XYLB: variants seen among roughly 807,000 people sequenced by gnomAD.
XYLB encodes the protein xylulokinase.
XYLB carries 62 observed loss-of-function variants against 78.7 expected under a neutral mutation model. The observed-to-expected ratio is 0.79, with a 90% CI of 0.64 to 0.97. The LOEUF is 0.97. Among genes scored for constraint, XYLB ranks in the 50% least tolerant of loss-of-function variants. XYLB has a pLI of 0.00. For missense variants in XYLB, 687 were observed against 676.8 expected (o/e 1.02, Z -0.17); for synonymous variants, 245 against 247.4 (o/e 0.99, Z 0.09).
rs745708954 is a variant in XYLB, at chr3:38,376,198, G to T, written c.1086G>T (p.Leu362=). 9 of 1,613,896 alleles carry T rather than the reference G, an allele frequency of 5.6e-6. No individual in the cohort carries two copies. Among genetic ancestry groups the T allele is most frequent in the African/African-American group, 2.7e-5 (2 of 74,934 alleles). ...CCTGGAGCGATTTCTCTAAGGCACTGCAGTCCACAGAGATGGGCAACGGTG... is the reference window on the plus strand; with the variant it reads ...CCTGGAGCGATTTCTCTAAGGCACTTCAGTCCACAGAGATGGGCAACGGTG... ...SRSWSDFSKA[L]QSTEMGNGGN... is the part of the protein sequence containing the mutation. Residue 362 remains leucine, a synonymous_variant, in exon 13 of 19, where the codon CTG becomes CTT. Coordinates refer to ENST00000207870, the MANE Select transcript of XYLB (RefSeq NM_005108.4).
chr3:38,368,282 T>TCCA, intron 8 of XYLB, 25 bp downstream of exon 8: 3 of 1,610,728 alleles, frequency 1.9e-6, no homozygotes, highest in Non-Finnish European at 2.5e-6. Flanking sequence ...ATGGGGTGGG[T>TCCA]GCCTGGGCAG....
At chr3:38,405,289 C>T (rs1708266831) in intron 18 of XYLB, among the ~76,000 whole-genome samples, 1 of 150,572 alleles carries the variant, frequency 6.6e-6, no homozygotes, top group South Asian at 2.1e-4. Flanking sequence ...ATAATCCCAG[C>T]ACTTTGGGAG....
At chr3:38,392,046 T>G (rs1386783103) in intron 15 of XYLB, among the ~76,000 whole-genome samples, 1 of 152,158 alleles carries the variant, frequency 6.6e-6, no homozygotes, top group East Asian at 1.9e-4. Context: ...GAGCACTTCT[T>G]TACTTTAGCT....
chr3:38,361,338 A>G (rs1241986252), intron 3 of XYLB, among the ~76,000 whole-genome samples: 1 of 152,262 alleles, frequency 6.6e-6, no homozygotes, highest in Non-Finnish European at 1.5e-5. Context: ...ACTGGAGGCC[A>G]GCTAAGTGTG....
At chr3:38,432,031 C>T in the XYLB span, among the ~76,000 whole-genome samples, 2 of 152,100 alleles carry the variant, frequency 1.3e-5, no homozygotes, top group African/African-American at 4.8e-5. Context: ...AAAGGGGAGA[C>T]ATTGGCCAAA....
chr3:38,429,680 A>G, the XYLB span, among the ~76,000 whole-genome samples: 718 of 152,208 alleles, frequency 4.7e-3, 10 homozygotes, highest in African/African-American at 0.016. Flanking sequence ...TACATTGGGT[A>G]TTTCTCCTAA....
chr3:38,446,628 A>C, the XYLB span, among the ~76,000 whole-genome samples: 2 of 152,248 alleles, frequency 1.3e-5, no homozygotes, highest in Admixed American at 6.5e-5. Context: ...ATTTATAGCC[A>C]ACGAATCTTT....
chr3:38,423,978 A>C (rs375490096), downstream of XYLB, among the ~76,000 whole-genome samples: 1 of 152,176 alleles, frequency 6.6e-6, no homozygotes, highest in East Asian at 1.9e-4. Context: ...TTACTGGAAA[A>C]CATTAATTGG....
At chr3:38,400,767 G>T (rs926769918) in intron 17 of XYLB, 124 bp from the exon 18 acceptor site, 6 of 695,824 alleles carry the variant, frequency 8.6e-6, no homozygotes, top group Admixed American at 7.8e-5. Flanking sequence ...GTACTGAATT[G>T]TGCAACCATC....
intron 15 of XYLB, among the ~76,000 whole-genome samples, chr3:38,395,237 G>A (rs995825978): frequency 4.6e-5 from 7 of 152,166 alleles, no homozygotes; most frequent in African/African-American, 1.7e-4. Context: ...ATTTAAGGAA[G>A]TTCCCTTCTC....
chr3:38,396,745 T>G (rs1311408062), intron 16 of XYLB, among the ~76,000 whole-genome samples: 3 of 152,170 alleles, frequency 2.0e-5, no homozygotes, highest in Admixed American at 6.5e-5. Flanking sequence ...TTAATGTTAG[T>G]CTAATACCCA....
At position 38,372,670 on chromosome 3, in the gene XYLB, T is replaced by C. The variant is rs147882141; in HGVS notation, c.781T>C (p.Tyr261His). The C allele has an allele frequency of 6.2e-7, 1 of 1,614,066 alleles. No homozygotes were observed. Among genetic ancestry groups the C allele is most frequent in the African/African-American group, 1.3e-5 (1 of 74,926 alleles). The change falls in exon 10 of 19, where the codon TAC (tyrosine) becomes CAC (histidine). Residue 261 changes from tyrosine (Y) to histidine (H), a missense_variant. Coordinates refer to ENST00000207870, the MANE Select transcript of XYLB (RefSeq NM_005108.4). ...SCSVVGAISS[Y>H]YVQRYGFPPG... ...CGTCCCTCAGGGAGCCATTTCTTCCTACTACGTCCAGCGCTACGGATTTCC... is the reference window on the plus strand; with the variant it reads ...CGTCCCTCAGGGAGCCATTTCTTCCCACTACGTCCAGCGCTACGGATTTCC...
chr3:38,420,703 C>A (rs988408677), downstream of XYLB, among the ~76,000 whole-genome samples: 3 of 148,764 alleles, frequency 2.0e-5, no homozygotes, highest in African/African-American at 7.4e-5. Flanking sequence ...GTTAATAATA[C>A]GTATCTTTCA....
rs1344483309 is a variant in XYLB, at chr3:38,379,249, G to A, written c.1198G>A (p.Ala400Thr). The change falls in exon 15 of 19, where the codon GCA (alanine) becomes ACA (threonine). Residue 400 changes from alanine to threonine, a missense_variant. Transcript: ENST00000207870. Reference protein sequence around the residue: ...HRFNTENHKVAAFPGDVEVRA... With the variant: ...HRFNTENHKVTAFPGDVEVRA... ...GCCCACCTTTTCCTGGAGACAGGTTGCAGCATTCCCTGGGGATGTGGAGGT... is the reference window on the plus strand; with the variant it reads ...GCCCACCTTTTCCTGGAGACAGGTTACAGCATTCCCTGGGGATGTGGAGGT... The A allele has an allele frequency of 5.0e-6, 8 of 1,614,022 alleles. No individual in the cohort carries two copies. The Admixed American group carries it at 1.3e-4, about 27-fold the overall frequency.
chr3:38,387,455 C>T (rs1028019714), intron 15 of XYLB, among the ~76,000 whole-genome samples: 1 of 152,160 alleles, frequency 6.6e-6, no homozygotes. Context: ...ACTCCAACCT[C>T]CACCTGCTGG....
the XYLB span, among the ~76,000 whole-genome samples, chr3:38,439,500 C>T: frequency 1.1e-4 from 16 of 152,330 alleles, no homozygotes; most frequent in Admixed American, 3.3e-4. Flanking sequence ...CAGTGGCTCA[C>T]GCCTGTAATC....
intron 14 of XYLB, 82 bp downstream of exon 14, chr3:38,377,073 C>A: frequency 8.3e-7 from 1 of 1,205,690 alleles, no homozygotes. Flanking sequence ...AATTATGTTA[C>A]TTTTAGGGAC....
chr3:38,438,102 C>G, the XYLB span, among the ~76,000 whole-genome samples: 1 of 151,936 alleles, frequency 6.6e-6, no homozygotes, highest in Non-Finnish European at 1.5e-5. Context: ...TGGTGGCATG[C>G]ACCTGTAGTC....
intron 18 of XYLB, among the ~76,000 whole-genome samples, chr3:38,410,070 C>G (rs894306609): frequency 2.0e-5 from 3 of 152,092 alleles, no homozygotes; most frequent in African/African-American, 7.2e-5. Context: ...GAGCCCGCAT[C>G]GCCAAGTCAA....
Sources: allele counts gnomAD v4.1 joint callset (sites outside exome capture counted in the v4.1 genomes callset), GRCh38; gene constraint gnomAD v4.1.1; transcripts MANE v1.5; gene names NCBI Gene and HGNC (gene_info 2026-07-23, HGNC 2026-07-21).